ZBBX: variants seen among roughly 807,000 people sequenced by gnomAD.
ZBBX encodes the protein zinc finger B-box domain-containing protein 1.
In ZBBX, 101 loss-of-function variants were observed where a neutral mutation model predicts 108.5. The observed-to-expected ratio is 0.93, with a 90% CI of 0.79 to 1.10. ZBBX has a LOEUF of 1.10. Ranked by LOEUF, ZBBX falls within the 50% of genes least tolerant of loss-of-function variation. The pLI is 0.00. For missense variants in ZBBX, 1,009 were observed against 941.4 expected (o/e 1.07, Z -0.94); for synonymous variants, 356 against 323.4 (o/e 1.10, Z -1.08).
chr3:167,354,284 A>G (rs1359894152), intron 8 of ZBBX, among the ~76,000 whole-genome samples: 1 of 151,920 alleles, frequency 6.6e-6, no homozygotes, highest in East Asian at 1.9e-4. Flanking sequence ...TACTGAATAC[A>G]TACTGTTTTT....
chr3:167,397,615 A>G (rs1748290127), intron 1 of ZBBX, among the ~76,000 whole-genome samples: 1 of 151,918 alleles, frequency 6.6e-6, no homozygotes, highest in Admixed American at 6.6e-5. Flanking sequence ...CAGGAAAACT[A>G]TTGTTAGCAC....
chr3:167,298,848 G>T (rs1249089566), intron 17 of ZBBX, among the ~76,000 whole-genome samples: 3 of 151,908 alleles, frequency 2.0e-5, no homozygotes, highest in Non-Finnish European at 4.4e-5. Flanking sequence ...AAAACTGAAG[G>T]TGAAATACCA....
chr3:167,325,458 A>G (rs893092899), intron 11 of ZBBX, among the ~76,000 whole-genome samples: 3 of 152,130 alleles, frequency 2.0e-5, no homozygotes, highest in Non-Finnish European at 2.9e-5. Flanking sequence ...ACCCACTCCC[A>G]TGATTCAATT....
Position 167,358,656 on chromosome 3 carries a change from T to C in ZBBX, c.432+1214A>G, listed in dbSNP as rs1743993776. The stretch of plus-strand genomic sequence containing the variant: ...ATAGCTTTTAAGAGAGGATATATAG[T>C]CTAGGCGTGGTGGCTCACACCTGTA... On this transcript the variant is annotated intron_variant, in intron 8 of 21. Transcript: ENST00000675490. 2.0e-5 allele frequency among the ~76,000 whole-genome samples: 3 copies of C among 151,866 alleles called. No individual in the cohort carries two copies. The South Asian group carries it at 6.2e-4, about 31-fold the overall frequency.
intron 1 of ZBBX, among the ~76,000 whole-genome samples, chr3:167,404,465 G>A (rs908518736): frequency 1.3e-5 from 2 of 152,092 alleles, no homozygotes; most frequent in Non-Finnish European, 2.9e-5. Context: ...TATTGTCAGA[G>A]AAGAAGATTT....
rs149071507 is a variant in ZBBX, at chr3:167,299,062, T to C, written c.1726-604A>G. 1.1e-3 allele frequency among the ~76,000 whole-genome samples: 163 copies of C among 152,188 alleles called. 1 individual carries two copies. Among genetic ancestry groups the C allele is most frequent in the African/African-American group, 3.7e-3 (155 of 41,570 alleles). On this transcript the variant is annotated intron_variant, in intron 17 of 21. Coordinates refer to ENST00000675490, the MANE Select transcript of ZBBX (RefSeq NM_001199201.2). ...AACCTAGACTTATCCTGCCACCCTA[T>C]TAATTCATTTTTACATGTTCTTATT...
chr3:167,327,334 AG>A (rs1737582484), intron 11 of ZBBX, among the ~76,000 whole-genome samples: 1 of 152,140 alleles, frequency 6.6e-6, no homozygotes, highest in Admixed American at 6.5e-5. Context: ...AAAAAGCAAT[AG>A]TTGTCCTGGC....
intron 20 of ZBBX, among the ~76,000 whole-genome samples, chr3:167,260,048 ATTTG>A (rs1392043647): frequency 6.6e-6 from 1 of 152,118 alleles, no homozygotes; most frequent in Non-Finnish European, 1.5e-5. Flanking sequence ...TTCTCTCAGC[ATTTG>A]TTTGTCTGAA....
At chr3:167,380,301 G>A (rs1020879810), upstream of ZBBX, 2 of 152,276 alleles carry the variant, frequency 1.3e-5, no homozygotes, top group African/African-American at 4.8e-5. Context: ...GATAGCTGCC[G>A]GGAGTTTCCG....
rs1353981761 is a variant in ZBBX, at chr3:167,242,603, G to A, written c.2295C>T (p.Phe765=). The change falls in exon 21 of 22, where the codon TTC becomes TTT. Residue 765 remains phenylalanine, a synonymous_variant. Transcript: ENST00000675490. ...TCAGTGATTGGCTGCTGAAATCTGGGAACTCTTCTGAGGTTAAGCTGTAAA... is the reference window on the plus strand; with the variant it reads ...TCAGTGATTGGCTGCTGAAATCTGGAAACTCTTCTGAGGTTAAGCTGTAAA... ...EKLYSLTSEE[F]PDFSSQSLNI... 6.2e-7 allele frequency: 1 copy of A among 1,613,440 alleles called. No homozygotes were observed. Among genetic ancestry groups the A allele is most frequent in the East Asian group, 2.2e-5 (1 of 44,812 alleles).
At chr3:167,399,398 C>T (rs1157956189) in intron 1 of ZBBX, 1 of 152,154 alleles carries the variant, frequency 6.6e-6, no homozygotes, top group Non-Finnish European at 1.5e-5. Context: ...CTCTAAGCTG[C>T]TTCCCTTCTA....
At chr3:167,275,758 G>A (rs901391429) in intron 20 of ZBBX, among the ~76,000 whole-genome samples, 10 of 152,292 alleles carry the variant, frequency 6.6e-5, no homozygotes, top group South Asian at 2.1e-4. Context: ...CCAGAAGCTC[G>A]AACTGGGTGG....
At chr3:167,317,728 A>G in intron 12 of ZBBX, 131 bp from the exon 13 acceptor site, 1 of 524,576 alleles carries the variant, frequency 1.9e-6, no homozygotes, top group Non-Finnish European at 3.3e-6. Context: ...TGTACCTTTA[A>G]TTCAAAGATA....
chr3:167,179,060 A>G, the ZBBX span, among the ~76,000 whole-genome samples: 4 of 152,190 alleles, frequency 2.6e-5, no homozygotes, highest in Non-Finnish European at 5.9e-5. Flanking sequence ...AGAAGCTGGA[A>G]TGCCCATCAC....
the ZBBX span, among the ~76,000 whole-genome samples, chr3:167,219,802 A>G: frequency 2.0e-5 from 3 of 151,954 alleles, no homozygotes; most frequent in South Asian, 2.1e-4. Context: ...AAAAACTACA[A>G]AAGATCAATG....
chr3:167,350,338 G>T, intron 9 of ZBBX, 82 bp downstream of exon 9: 1 of 1,058,078 alleles, frequency 9.5e-7, no homozygotes, highest in Non-Finnish European at 1.4e-6. Flanking sequence ...CTGAGTTCTA[G>T]ATAACTAAAG....
chr3:167,298,307 G>C lies in ZBBX; in HGVS notation c.1877C>G (p.Ala626Gly). The change falls in exon 18 of 22, where the codon GCA (alanine) becomes GGA (glycine). Residue 626 changes from alanine (A) to glycine (G), a missense_variant and splice_region_variant. Ala to Gly is a moderately conservative substitution (Grantham distance 60, BLOSUM62 0). Transcript: ENST00000675490. ...CNNSSTRITL[A>G]EDREWIPDHS... Reference sequence around the variant, plus strand: ...AGAAAAATGAGCTAGAAATTTACCTGCAAGTGTAATCCTAGTACTGGAATT... The same window carrying C: ...AGAAAAATGAGCTAGAAATTTACCTCCAAGTGTAATCCTAGTACTGGAATT... 2 of 1,587,586 alleles carry C rather than the reference G, an allele frequency of 1.3e-6. No individual in the cohort carries two copies. Among genetic ancestry groups the C allele is most frequent in the Non-Finnish European group, 1.7e-6 (2 of 1,168,898 alleles).
chr3:167,350,621 T>G (rs1301063149), intron 8 of ZBBX, 106 bp from the exon 9 acceptor site: 1 of 701,134 alleles, frequency 1.4e-6, no homozygotes, highest in Non-Finnish European at 2.2e-6. Context: ...TTTCTCTAAT[T>G]AAATACCTAT....
downstream of ZBBX, among the ~76,000 whole-genome samples, chr3:167,235,468 T>G (rs189155159): frequency 2.0e-5 from 3 of 151,736 alleles, no homozygotes; most frequent in East Asian, 5.8e-4. Context: ...CTGGAAATCT[T>G]TAAAAGCATT....
Sources: gnomAD v4.1 joint callset for allele counts (sites outside exome capture counted in the v4.1 genomes callset) on GRCh38, gnomAD v4.1.1 for gene constraint, MANE v1.5 for transcripts, NCBI Gene and HGNC (gene_info 2026-07-23, HGNC 2026-07-21) for gene names.